Variants in SARDH observed in about 807,000 individuals in gnomAD.
SARDH encodes the protein sarcosine dehydrogenase, mitochondrial.
Under a neutral mutation model 109.1 loss-of-function variants are expected in SARDH, and 95 were observed. The ratio of observed to expected loss-of-function variants is 0.87; its 90% CI spans 0.74 to 1.03. The LOEUF is 1.03. SARDH is among the 50% of genes least tolerant of loss of function. The probability of loss-of-function intolerance (pLI) is 0.00; values close to 1 mark genes in which losing one functional copy is unlikely to be tolerated. For missense variants in SARDH, 1,267 were observed against 1,287.8 expected, an observed-to-expected ratio of 0.98 and a Z score of 0.25; for synonymous variants, 572 against 534.8, an observed-to-expected ratio of 1.07 and a Z score of -0.96.
chr9:133,692,498 G>T lies in SARDH; in HGVS notation c.1921+1760C>A, dbSNP rs1831134179. Reference sequence around the variant, plus strand: ...CACCTCTACACCCTTGTAGCCAGTGGCTCCTCCCCATCCTTCCAAGCTCAG... The same window carrying T: ...CACCTCTACACCCTTGTAGCCAGTGTCTCCTCCCCATCCTTCCAAGCTCAG... On this transcript the variant is annotated intron_variant, in intron 15 of 20. Transcript: ENST00000439388. The surrounding 1 kb of genome is among the most constrained non-coding windows in gnomAD (Gnocchi z 5.0). Among the ~76,000 whole-genome samples, 1 of 152,140 alleles carries T rather than the reference G, an allele frequency of 6.6e-6. No homozygotes were observed. The highest frequency in any genetic ancestry group is 1.5e-5 in the Non-Finnish European group (1 of 68,006).
chr9:133,734,464 T>C (rs2073907), intron 1 of SARDH, among the ~76,000 whole-genome samples: 1,583 of 149,592 alleles, frequency 0.011, 32 homozygotes, highest in East Asian at 0.069. Flanking sequence ...CATTCACTCA[T>C]TCATTCATTC....
chr9:133,676,095 T>TAA lies in SARDH; in HGVS notation c.2164-4400_2164-4399dup, dbSNP rs35597342. 3.3e-4 allele frequency among the ~76,000 whole-genome samples: 39 copies of TAA among 117,170 alleles called. No individual in the cohort carries two copies. In the South Asian group the frequency reaches 9.4e-3, roughly 28 times the overall value. The allele number at this position is 117,170 out of a possible 152,430, so 76.9% of individuals were successfully genotyped here. The stretch of plus-strand genomic sequence containing the variant: ...GACAGACTAAGACCCTGTCTGAAAT[T>TAA]AAAAAAAAAAACACACACCAAAAAC... On this transcript the variant is annotated intron_variant, in intron 17 of 20. Coordinates refer to ENST00000439388, the MANE Select transcript of SARDH (RefSeq NM_001134707.2).
intron 13 of SARDH, among the ~76,000 whole-genome samples, chr9:133,699,998 G>A (rs970407243): frequency 1.3e-5 from 2 of 152,182 alleles, no homozygotes; most frequent in African/African-American, 4.8e-5. Flanking sequence ...AGTAAAATAT[G>A]ATGGGTCCAT....
intron 19 of SARDH, among the ~76,000 whole-genome samples, chr9:133,669,321 C>T (rs1588375447): frequency 1.2e-5 from 1 of 80,552 alleles, no homozygotes; most frequent in Non-Finnish European, 2.5e-5. Context: ...CTCCCTCACC[C>T]TCCCTCTCCC....
At chr9:133,703,120 G>A in intron 12 of SARDH, 91 bp from the exon 13 acceptor site, 1 of 1,136,152 alleles carries the variant, frequency 8.8e-7, no homozygotes, top group South Asian at 1.3e-5. Flanking sequence ...CTGTGATGGG[G>A]TCAGGCCTGG....
chr9:133,687,621 T>C (rs571216444), intron 16 of SARDH, among the ~76,000 whole-genome samples: 3 of 151,858 alleles, frequency 2.0e-5, no homozygotes, highest in South Asian at 4.2e-4. Context: ...CATCCACTAG[T>C]ATTAAAAATG....
chr9:133,694,398 C>A, intron 14 of SARDH, 27 bp from the exon 15 acceptor site: 1 of 1,529,848 alleles, frequency 6.5e-7, no homozygotes. Flanking sequence ...GAAGCCGGGT[C>A]TGTGCTGAGG....
In SARDH at chr9:133,731,309, G is replaced by A. The variant is rs774758054; in HGVS notation, c.686C>T (p.Ala229Val). Residue 229 changes from alanine to valine, a missense_variant, in exon 4 of 21, where the codon GCA becomes GTA. Ala to Val is a moderately conservative substitution (Grantham distance 64, BLOSUM62 0). Coordinates refer to ENST00000439388, the MANE Select transcript of SARDH (RefSeq NM_001134707.2). ...TLARAASARGAQVIENCPVTG... is the reference protein window; with the variant it reads ...TLARAASARGVQVIENCPVTG... ...GAGCCAGGCGGCCATCAGTACCTGT[G>A]CTCCTCGGGCAGAAGCTGCCCTGGC... The A allele has an allele frequency of 6.2e-7, 1 of 1,614,098 alleles. No homozygotes were observed. The highest frequency in any genetic ancestry group is 8.5e-7 in the Non-Finnish European group (1 of 1,180,000).
intron 2 of SARDH, 118 bp from the exon 3 acceptor site, chr9:133,732,719 T>G: frequency 1.7e-6 from 2 of 1,166,474 alleles, no homozygotes; most frequent in Non-Finnish European, 2.4e-6. Context: ...TGCAAGGTCT[T>G]TCTCTGCAGG....
chr9:133,684,212 T>C (rs1588398655), intron 17 of SARDH, among the ~76,000 whole-genome samples: 1 of 152,194 alleles, frequency 6.6e-6, no homozygotes, highest in Non-Finnish European at 1.5e-5. Flanking sequence ...GTCACGACGG[T>C]GGGTGCCACT....
At chr9:133,674,097 A>C (rs1208390467) in intron 17 of SARDH, among the ~76,000 whole-genome samples, 1 of 152,238 alleles carries the variant, frequency 6.6e-6, no homozygotes, top group Admixed American at 6.5e-5. Context: ...AGTTCACGGA[A>C]TCACTAGTTG....
chr9:133,660,387 G>A (rs1016144352), downstream of SARDH, among the ~76,000 whole-genome samples: 2 of 152,228 alleles, frequency 1.3e-5, no homozygotes, highest in African/African-American at 2.4e-5. Flanking sequence ...GTGTCTGAAT[G>A]CTCAACCTCT....
At position 133,733,853 on chromosome 9, in the gene SARDH, C is replaced by T. The variant is rs1302092680; in HGVS notation, c.321G>A (p.Trp107Ter). 6.8e-7 allele frequency: 1 copy of T among 1,468,090 alleles called. No homozygotes were observed. Among genetic ancestry groups the T allele is most frequent in the Middle Eastern group, 1.8e-4 (1 of 5,542 alleles). The allele number at this position is 1,468,090 out of a possible 1,614,324, so 90.9% of individuals were successfully genotyped here. Residue 107 changes from tryptophan to a stop codon, truncating the protein, a stop_gained, in exon 2 of 21, where the codon TGG (tryptophan) becomes TGA (stop). Transcript: ENST00000439388. LOFTEE classifies it high-confidence loss of function. The stretch of plus-strand genomic sequence containing the variant: ...GCCCCCGGTCCCTACCTGCCGTGTG[C>T]CAGGTGGTCCCGGAGGTCAGCCGCT... ...ERERLTSGTT[W>*]HTAGLLWQLR...
At chr9:133,662,006 C>T (rs1315333337), downstream of SARDH, among the ~76,000 whole-genome samples, 1 of 152,142 alleles carries the variant, frequency 6.6e-6, no homozygotes, top group African/African-American at 2.4e-5. The surrounding 1 kb of genome is among the most constrained non-coding windows in gnomAD (Gnocchi z 5.1). Context: ...GGGCCAGGAC[C>T]TCTGGCAGCG....
chr9:133,714,495 G>A (rs1432834324), intron 8 of SARDH, among the ~76,000 whole-genome samples: 1 of 152,198 alleles, frequency 6.6e-6, no homozygotes, highest in Non-Finnish European at 1.5e-5. Context: ...AGAGTGAGCT[G>A]AGGCCGGGTG....
intron 8 of SARDH, among the ~76,000 whole-genome samples, 179 bp from the exon 9 acceptor site, chr9:133,713,303 C>A (rs1831999335): frequency 6.6e-6 from 1 of 152,078 alleles, no homozygotes; most frequent in South Asian, 2.1e-4. Flanking sequence ...CTGGCTCCTG[C>A]CCGTGCTCTC....
At chr9:133,673,501 C>T (rs1330381937) in intron 17 of SARDH, among the ~76,000 whole-genome samples, 2 of 152,256 alleles carry the variant, frequency 1.3e-5, no homozygotes, top group Non-Finnish European at 2.9e-5. Flanking sequence ...AGGCCGCTCT[C>T]CCAACCACAG....
intron 10 of SARDH, among the ~76,000 whole-genome samples, chr9:133,711,805 A>C (rs1831928591): frequency 6.6e-6 from 1 of 152,148 alleles, no homozygotes; most frequent in Non-Finnish European, 1.5e-5. Flanking sequence ...GGCTCCCTCC[A>C]AGCCGTCCTG....
At chr9:133,660,544 C>T (rs1431878216), downstream of SARDH, among the ~76,000 whole-genome samples, 2 of 152,226 alleles carry the variant, frequency 1.3e-5, no homozygotes, top group Non-Finnish European at 2.9e-5. Flanking sequence ...GGCTCGCCCA[C>T]CTTCCGAATG....
Sources: allele counts gnomAD v4.1 joint callset (sites outside exome capture counted in the v4.1 genomes callset), GRCh38; gene constraint gnomAD v4.1.1; non-coding constraint Gnocchi (gnomAD v3.1); transcripts MANE v1.5; gene names NCBI Gene and HGNC (gene_info 2026-07-23, HGNC 2026-07-21).